The following SEL1L3 variants were observed in gnomAD, a reference collection of about 807,000 sequenced individuals.
SEL1L3 encodes SEL1L family member 3, also known as protein sel-1 homolog 3.
In SEL1L3, 76 loss-of-function variants were observed where a neutral mutation model predicts 142.8. That is an observed-to-expected ratio of 0.53 (90% CI 0.44 to 0.64). The LOEUF (loss-of-function observed/expected upper bound fraction) is 0.64, where lower values mean the gene tolerates loss of function less well. Ranked by LOEUF, SEL1L3 falls within the 30% of genes least tolerant of loss-of-function variation. SEL1L3 has a pLI of 0.00. For missense variants in SEL1L3, 1,262 were observed against 1,381.7 expected, an observed-to-expected ratio of 0.91 and a Z score of 1.37; for synonymous variants, 504 against 519.6, an observed-to-expected ratio of 0.97 and a Z score of 0.41.
chr4:25,779,067 G>T lies in SEL1L3; in HGVS notation c.2585+9C>A. The T allele has an allele frequency of 6.2e-7, 1 of 1,612,710 alleles. No individual in the cohort carries two copies. ...TTCCCTTCAAATGCAACGTTTGACA[G>T]AGTCTTACACAACAGCTTTCTCAGG... On this transcript the variant is annotated intron_variant, in intron 16 of 23. Transcript: ENST00000399878.
At chr4:25,721,133 C>T in the SEL1L3 span, 1 of 152,076 alleles carries the variant, frequency 6.6e-6, no homozygotes, top group Non-Finnish European at 1.5e-5. Flanking sequence ...TGACTCTCAT[C>T]TCTTGACTCT....
chr4:25,810,345 A>C (rs934847779), intron 9 of SEL1L3, among the ~76,000 whole-genome samples: 1 of 152,098 alleles, frequency 6.6e-6, no homozygotes, highest in Admixed American at 6.6e-5. Flanking sequence ...GCCACAACCA[A>C]GAGCCCGGAC....
At chr4:25,820,031 C>A in intron 7 of SEL1L3, 91 bp from the exon 8 acceptor site, 1 of 1,268,238 alleles carries the variant, frequency 7.9e-7, no homozygotes, top group East Asian at 2.5e-5. Context: ...ACTTTGTTCT[C>A]CCATTGACAT....
intron 23 of SEL1L3, among the ~76,000 whole-genome samples, chr4:25,753,700 T>C (rs548799214): frequency 1.3e-5 from 2 of 152,352 alleles, no homozygotes; most frequent in South Asian, 4.1e-4. Context: ...AAATTATTGA[T>C]AGGCCAGGCA....
intron 17 of SEL1L3, among the ~76,000 whole-genome samples, chr4:25,774,180 G>A (rs563887523): frequency 6.6e-6 from 1 of 152,206 alleles, no homozygotes; most frequent in East Asian, 1.9e-4. Context: ...AGGATTCCGG[G>A]GCAGAGGAAA....
the SEL1L3 span, among the ~76,000 whole-genome samples, chr4:25,740,035 T>C: frequency 2.0e-5 from 3 of 151,678 alleles, no homozygotes; most frequent in Admixed American, 1.3e-4. Context: ...TGAGCTCAAG[T>C]GATCCTCCCC....
intron 1 of SEL1L3, 116 bp downstream of exon 1, chr4:25,862,557 AAG>A (rs1717796748): frequency 8.5e-6 from 4 of 470,276 alleles, no homozygotes; most frequent in Non-Finnish European, 1.3e-5. Flanking sequence ...AGCGACGAGG[AAG>A]AGAGAAAACT....
intron 1 of SEL1L3, among the ~76,000 whole-genome samples, chr4:25,856,263 G>A (rs1411469477): frequency 2.6e-5 from 4 of 151,848 alleles, no homozygotes; most frequent in African/African-American, 4.9e-5. Context: ...GTAAGGTCAC[G>A]TATCTGTATT....
rs959587541 is a variant in SEL1L3, at chr4:25,756,318, G to A, written c.3259+1216C>T. The A allele has an allele frequency of 7.3e-5, 72 of 985,130 alleles. 1 individual carries two copies. Among genetic ancestry groups the A allele is most frequent in the Admixed American group, 3.1e-4 (5 of 16,242 alleles). The allele number at this position is 985,130 out of a possible 1,614,324, so 61.0% of individuals were successfully genotyped here. A position where few individuals can be genotyped will look rare whatever the true frequency, so the allele number is the denominator to read the frequency against. ...GGGTGTGAGTACCTACTATGCATGA[G>A]TTATCACAAATGACACGACTGGGGC... On this transcript the variant is annotated intron_variant, in intron 23 of 23. Transcript: ENST00000399878.
At position 25,784,239 on chromosome 4, in the gene SEL1L3, C is replaced by T. The variant is rs1204298647; in HGVS notation, c.2269G>A (p.Ala757Thr). 2 of 1,613,302 alleles carry T rather than the reference C, an allele frequency of 1.2e-6. No homozygotes were observed. Among genetic ancestry groups the T allele is most frequent in the Non-Finnish European group, 1.7e-6 (2 of 1,179,312 alleles). Residue 757 changes from alanine to threonine, a missense_variant, in exon 14 of 24, where the codon GCA becomes ACA. Around this residue, in one of 3 missense-constraint regions of SEL1L3, gnomAD observed 435 missense variants for 559.2 expected, o/e 0.78. Transcript: ENST00000399878. ...RRLALELMKK[A>T]ASKGLHQAVN... ...TATGCATGTGTTACCTTGGAAGCTGCTTTCTTCATCAGCTCTAAGGCAAGC... is the reference window on the plus strand; with the variant it reads ...TATGCATGTGTTACCTTGGAAGCTGTTTTCTTCATCAGCTCTAAGGCAAGC...
intron 9 of SEL1L3, among the ~76,000 whole-genome samples, chr4:25,808,474 G>A (rs959903): frequency 0.25 from 38,725 of 152,040 alleles, 5,239 homozygotes; most frequent in Admixed American, 0.33. Flanking sequence ...TAAAGGCCCC[G>A]GAGCTGGGAC....
the SEL1L3 span, among the ~76,000 whole-genome samples, chr4:25,727,618 C>G: frequency 1.3e-5 from 2 of 152,188 alleles, no homozygotes; most frequent in East Asian, 1.9e-4. Flanking sequence ...TCCTGGCTGC[C>G]TTTGTCTGTG....
chr4:25,800,142 A>G (rs1430359181), intron 11 of SEL1L3, among the ~76,000 whole-genome samples: 1 of 152,236 alleles, frequency 6.6e-6, no homozygotes, highest in East Asian at 1.9e-4. Flanking sequence ...AGAGAATGAA[A>G]CAAGAATCAA....
the SEL1L3 span, among the ~76,000 whole-genome samples, chr4:25,714,499 T>TC: frequency 1.1e-3 from 53 of 46,496 alleles, no homozygotes; most frequent in East Asian, 0.011. Context: ...TCTTTCTTTC[T>TC]TTTTCTTTCT....
chr4:25,748,468 T>C lies in SEL1L3; in HGVS notation c.3356A>G (p.Gln1119Arg). ...GTTATTAGTTACTGTGGGCTGGTCTTGGTCAGAGGCATCTGCAGCTGGAGT... is the reference window on the plus strand; with the variant it reads ...GTTATTAGTTACTGTGGGCTGGTCTCGGTCAGAGGCATCTGCAGCTGGAGT... ...AVTPAADASD[Q>R]DQPTVTNNPE... The change falls in exon 24 of 24, where the codon CAA (glutamine) becomes CGA (arginine). Residue 1119 changes from glutamine (Q) to arginine (R), a missense_variant. Physicochemically the swap from Gln to Arg is conservative, Grantham distance 43 (BLOSUM62 1). Coordinates refer to ENST00000399878, the MANE Select transcript of SEL1L3 (RefSeq NM_015187.5). The C allele has an allele frequency of 1.9e-6, 3 of 1,612,044 alleles. No individual in the cohort carries two copies. The highest frequency in any genetic ancestry group is 2.5e-6 in the Non-Finnish European group (3 of 1,179,254).
intron 1 of SEL1L3, 68 bp downstream of exon 1, chr4:25,862,607 G>A: frequency 2.2e-6 from 2 of 889,086 alleles, no homozygotes; most frequent in Non-Finnish European, 2.9e-6. Flanking sequence ...GGGTGTCCCC[G>A]GCCGCCCCCA....
At chr4:25,847,931 G>T in intron 1 of SEL1L3, 67 bp from the exon 2 acceptor site, 1 of 922,836 alleles carries the variant, frequency 1.1e-6, no homozygotes, top group Non-Finnish European at 1.6e-6. Flanking sequence ...ACAGATACTT[G>T]AATCATTATT....
intron 2 of SEL1L3, among the ~76,000 whole-genome samples, chr4:25,842,446 T>G (rs926015304): frequency 1.3e-5 from 2 of 152,080 alleles, no homozygotes; most frequent in African/African-American, 4.8e-5. Flanking sequence ...AGCAAAGACA[T>G]AGGGGTGGGG....
chr4:25,763,988 T>A (rs532223243), intron 20 of SEL1L3, among the ~76,000 whole-genome samples: 1 of 152,182 alleles, frequency 6.6e-6, no homozygotes, highest in Non-Finnish European at 1.5e-5. Context: ...ACCTCCATCA[T>A]GAAAATGATT....
Sources: gnomAD v4.1 joint callset for allele counts (sites outside exome capture counted in the v4.1 genomes callset) on GRCh38, gnomAD v4.1.1 for gene constraint, gnomAD v4.1.1 regional missense constraint, MANE v1.5 for transcripts, NCBI Gene and HGNC (gene_info 2026-07-23, HGNC 2026-07-21) for gene names.